CCT6A: variants seen among roughly 807,000 people sequenced by gnomAD.
CCT6A encodes the protein T-complex protein 1 subunit zeta.
In CCT6A, 6 loss-of-function variants were observed where a neutral mutation model predicts 58.6. The ratio of observed to expected loss-of-function variants is 0.10; its 90% CI spans 0.06 to 0.20. CCT6A has a LOEUF of 0.20. Among genes scored for constraint, CCT6A ranks in the 10% least tolerant of loss-of-function variants. CCT6A has a pLI of 1.00. For missense variants in CCT6A, 516 were observed against 648.8 expected (o/e 0.80, Z 2.22); for synonymous variants, 245 against 227.8 (o/e 1.08, Z -0.68).
rs766221396 is a variant in CCT6A at position 56,063,005 on chromosome 7, C to T, written c.1524-8C>T. The T allele has an allele frequency of 3.1e-6, 5 of 1,606,642 alleles. No individual in the cohort carries two copies. The highest frequency in any genetic ancestry group is 2.2e-5 in the South Asian group (2 of 90,914). On this transcript the variant is annotated splice_region_variant and splice_polypyrimidine_tract_variant and intron_variant, in intron 13 of 13. Transcript: ENST00000275603. ...ATCTGAGCCATCTTATTTTTGTCCCCCTTTCAGCACTGTGATTGCCACCAA... is the reference window on the plus strand; with the variant it reads ...ATCTGAGCCATCTTATTTTTGTCCCTCTTTCAGCACTGTGATTGCCACCAA...
chr7:56,056,679 A>G (rs1037533078), intron 5 of CCT6A, among the ~76,000 whole-genome samples: 6 of 151,624 alleles, frequency 4.0e-5, no homozygotes, highest in African/African-American at 1.5e-4. Flanking sequence ...CTGAGACCAC[A>G]CCATTGCACT....
At chr7:56,059,899 A>C in intron 9 of CCT6A, 1 of 405,754 alleles carries the variant, frequency 2.5e-6, no homozygotes. Flanking sequence ...CAGGTTCATA[A>C]TTGTGTTGCC....
intron 11 of CCT6A, 38 bp downstream of exon 11, chr7:56,060,978 C>G (rs1158529555): frequency 1.3e-6 from 2 of 1,563,926 alleles, no homozygotes; most frequent in African/African-American, 2.7e-5. Context: ...CCAAAAGATT[C>G]AGCTGATCAA....
At chr7:56,062,528 G>A (rs1225419671) in intron 12 of CCT6A, 155 bp from the exon 13 acceptor site, 133 of 683,418 alleles carry the variant, frequency 1.9e-4, no homozygotes, top group Non-Finnish European at 4.8e-5. Context: ...GTGGACGGGG[G>A]TCATGGTTTA....
At chr7:56,059,674 C>A (rs1407835331) in intron 9 of CCT6A, 34 bp downstream of exon 9, 1 of 1,017,334 alleles carries the variant, frequency 9.8e-7, no homozygotes, top group Non-Finnish European at 1.6e-6. Flanking sequence ...GTAATAGAAC[C>A]TTTTAGCTCG....
At chr7:56,062,452 A>T (rs1213290098) in intron 12 of CCT6A, among the ~76,000 whole-genome samples, 1 of 152,240 alleles carries the variant, frequency 6.6e-6, no homozygotes, top group Non-Finnish European at 1.5e-5. Flanking sequence ...GTAAACAGAA[A>T]TGTATCCAGA....
At chr7:56,053,476 G>C (rs1794234960) in intron 2 of CCT6A, among the ~76,000 whole-genome samples, 1 of 152,174 alleles carries the variant, frequency 6.6e-6, no homozygotes, top group South Asian at 2.1e-4. Flanking sequence ...TGGGGGCTAG[G>C]TGTGGTGGCT....
chr7:56,054,618 T>G (rs1794265553), intron 3 of CCT6A, 115 bp downstream of exon 3: 8 of 991,320 alleles, frequency 8.1e-6, no homozygotes, highest in Non-Finnish European at 1.2e-5. Context: ...ATTAGGGGGC[T>G]TAAATCTGGG....
chr7:56,054,877 A>G (rs566793295), intron 3 of CCT6A, among the ~76,000 whole-genome samples: 22 of 152,360 alleles, frequency 1.4e-4, no homozygotes, highest in African/African-American at 5.1e-4. Context: ...GGTTAAAGCA[A>G]ACCTCAGTGA....
In CCT6A at chr7:56,052,035, G is replaced by A. The variant is rs376612120; in HGVS notation, c.137+50G>A. 2.5e-5 allele frequency: 34 copies of A among 1,376,992 alleles called. No individual in the cohort carries two copies. In the East Asian group the frequency reaches 9.1e-4, roughly 37 times the overall value. The allele number at this position is 1,376,992 out of a possible 1,614,324, so 85.3% of individuals were successfully genotyped here. Reference sequence around the variant, plus strand: ...CCGGGCGGGCACCGCGCGCCGCCGCGCTCCTGGCGGGCCCGGGACCGCGGA... The same window carrying A: ...CCGGGCGGGCACCGCGCGCCGCCGCACTCCTGGCGGGCCCGGGACCGCGGA... On this transcript the variant is annotated intron_variant, in intron 1 of 13. Coordinates refer to ENST00000275603, the MANE Select transcript of CCT6A (RefSeq NM_001762.4).
chr7:56,061,691 T>TTA, intron 11 of CCT6A, 56 bp from the exon 12 acceptor site: 1 of 536,352 alleles, frequency 1.9e-6, no homozygotes, highest in Non-Finnish European at 3.2e-6. Flanking sequence ...TTTTTTTTTT[T>TTA]TTTACTATCA....
intron 3 of CCT6A, 123 bp from the exon 4 acceptor site, chr7:56,055,501 T>A (rs1417849432): frequency 2.4e-6 from 2 of 817,678 alleles, no homozygotes; most frequent in East Asian, 2.4e-5. Flanking sequence ...GCCAGCACAT[T>A]ATATTACCTC....
chr7:56,060,735 A>G (rs1794415399), intron 10 of CCT6A, 72 bp from the exon 11 acceptor site: 2 of 1,501,776 alleles, frequency 1.3e-6, no homozygotes, highest in Non-Finnish European at 1.8e-6. Flanking sequence ...AATGGCTTTC[A>G]TATGTATATT....
chr7:56,061,960 G>A (rs1427789521), intron 12 of CCT6A, 111 bp downstream of exon 12: 1 of 570,704 alleles, frequency 1.8e-6, no homozygotes, highest in Non-Finnish European at 3.1e-6. Context: ...TGCTGTTAGG[G>A]AACTCTGGGT....
At chr7:56,056,483 G>A (rs1794306557) in intron 5 of CCT6A, 69 bp downstream of exon 5, 1 of 839,464 alleles carries the variant, frequency 1.2e-6, no homozygotes, top group African/African-American at 1.7e-5. Context: ...AGCACTTTGG[G>A]AGGCTGTGGT....
chr7:56,061,663 TTTTTC>T (rs2117349463), intron 11 of CCT6A, 79 bp from the exon 12 acceptor site: 1 of 644,986 alleles, frequency 1.6e-6, no homozygotes, highest in South Asian at 1.8e-5. Context: ...TTCTTTTTCT[TTTTTC>T]TTTTTTTTTT....
In CCT6A at chr7:56,063,056, C is replaced by T; in HGVS notation, c.1567C>T (p.Arg523Ter). 5 of 1,612,012 alleles carry T rather than the reference C, an allele frequency of 3.1e-6. No homozygotes were observed. Among genetic ancestry groups the T allele is most frequent in the South Asian group, 1.1e-5 (1 of 91,052 alleles). Residue 523 changes from arginine to a stop codon, truncating the protein, a stop_gained, in exon 14 of 14, where the codon CGA (arginine) becomes TGA (stop). Transcript: ENST00000275603. LOFTEE classifies it high-confidence loss of function. ...CATTCTCTTGGTTGATGAGATCATGCGAGCTGGAATGTCTTCTCTGAAAGG... is the reference window on the plus strand; with the variant it reads ...CATTCTCTTGGTTGATGAGATCATGTGAGCTGGAATGTCTTCTCTGAAAGG... ...TNILLVDEIMRAGMSSLKG is the reference protein window; with the variant it reads ...TNILLVDEIM
chr7:56,060,208 C>G (rs1171868776), intron 9 of CCT6A, 61 bp from the exon 10 acceptor site: 2 of 1,449,826 alleles, frequency 1.4e-6, no homozygotes. Context: ...CTGTAAGTCC[C>G]TCTTCTCTCT....
At chr7:56,057,058 G>A (rs907882334) in intron 5 of CCT6A, among the ~76,000 whole-genome samples, 1 of 152,088 alleles carries the variant, frequency 6.6e-6, no homozygotes, top group Admixed American at 6.6e-5. Flanking sequence ...GCCTCCCAAA[G>A]TGCTGGGATT....
Sources: gnomAD v4.1 joint callset for allele counts (sites outside exome capture counted in the v4.1 genomes callset) on GRCh38, gnomAD v4.1.1 for gene constraint, MANE v1.5 for transcripts, NCBI Gene and HGNC (gene_info 2026-07-23, HGNC 2026-07-21) for gene names.